Variants in MYO18B observed in about 807,000 individuals in gnomAD.
MYO18B encodes myosin XVIIIB.
Under a neutral mutation model 273.0 loss-of-function variants are expected in MYO18B, and 204 were observed. That is an observed-to-expected ratio of 0.75 (90% CI 0.67 to 0.84). The LOEUF (loss-of-function observed/expected upper bound fraction) is 0.84. MYO18B is among the 40% of genes least tolerant of loss of function. MYO18B has a pLI of 0.00. For synonymous variants in MYO18B, 1,330 were observed against 1,305.7 expected, an observed-to-expected ratio of 1.02 and a Z score of -0.40; for missense variants, 3,212 against 3,287.6, an observed-to-expected ratio of 0.98 and a Z score of 0.56.
At chr22:25,944,897 A>G (rs1601641674) in intron 34 of MYO18B, among the ~76,000 whole-genome samples, 1 of 151,658 alleles carries the variant, frequency 6.6e-6, no homozygotes, top group South Asian at 2.1e-4. Context: ...GCAGCTGCCA[A>G]CTGCAGAATG....
intron 21 of MYO18B, among the ~76,000 whole-genome samples, chr22:25,866,487 CT>C (rs1381189330): frequency 6.6e-6 from 1 of 152,076 alleles, no homozygotes; most frequent in Non-Finnish European, 1.5e-5. Context: ...TGGAATCTCT[CT>C]GGTTTGGGTG....
chr22:25,987,127 C>T (rs1182177863), intron 39 of MYO18B, among the ~76,000 whole-genome samples: 1 of 152,158 alleles, frequency 6.6e-6, no homozygotes, highest in African/African-American at 2.4e-5. Flanking sequence ...GAGAGGCAAC[C>T]TCCAGAGCTG....
chr22:25,926,079 C>T (rs2092416992), intron 34 of MYO18B, among the ~76,000 whole-genome samples: 3 of 150,460 alleles, frequency 2.0e-5, no homozygotes, highest in Admixed American at 2.0e-4. Flanking sequence ...GTGACAGGAG[C>T]CTGTAGTTCC....
chr22:26,032,704 G>T (rs372272672), downstream of MYO18B, among the ~76,000 whole-genome samples: 1 of 151,838 alleles, frequency 6.6e-6, no homozygotes, highest in Non-Finnish European at 1.5e-5. Context: ...CATTTTTTTA[G>T]TAGAGACAGT....
rs370428353 is a variant in MYO18B, at chr22:25,809,678, A to G, written c.2521+11581A>G. On this transcript the variant is annotated intron_variant, in intron 12 of 43. Coordinates refer to ENST00000335473, the MANE Select transcript of MYO18B (RefSeq NM_032608.7). The stretch of plus-strand genomic sequence containing the variant: ...TGGGGCTGTAACTCAGGGAGCCAGG[A>G]GGTGCTCATGGGGAGGAGAGACAAT... Among the ~76,000 whole-genome samples, 206 of 152,204 alleles carry G rather than the reference A, an allele frequency of 1.4e-3. 9 individuals carry two copies. In the South Asian group the frequency reaches 0.042, roughly 31 times the overall value.
In MYO18B at chr22:25,768,489, G is replaced by A. The variant is rs746410479; in HGVS notation, c.573G>A (p.Lys191=). ...SPPATDTGKE[K]KGETSRTPCG... The stretch of plus-strand genomic sequence containing the variant: ...CCGCCACAGATACTGGAAAGGAAAA[G>A]AAAGGGGAGACCTCTAGGACTCCTT... Residue 191 remains lysine, a synonymous_variant, in exon 4 of 44, where the codon AAG becomes AAA. Coordinates refer to ENST00000335473, the MANE Select transcript of MYO18B (RefSeq NM_032608.7). The A allele has an allele frequency of 3.1e-6, 5 of 1,608,030 alleles. No individual in the cohort carries two copies. The South Asian group carries it at 5.6e-5, about 18-fold the overall frequency.
At chr22:26,041,952 G>C in the MYO18B span, among the ~76,000 whole-genome samples, 4 of 152,202 alleles carry the variant, frequency 2.6e-5, no homozygotes, top group Admixed American at 6.5e-5. Context: ...AGTCTCACTG[G>C]TGGGAGAAGC....
At chr22:25,855,576 G>T (rs773642919) in intron 21 of MYO18B, among the ~76,000 whole-genome samples, 1 of 152,070 alleles carries the variant, frequency 6.6e-6, no homozygotes, top group African/African-American at 2.4e-5. Context: ...CACTGCGCCC[G>T]GCCCTCATTC....
Position 25,890,814 on chromosome 22 carries a change from A to G in MYO18B, c.4373A>G (p.Gln1458Arg). 6.2e-7 allele frequency: 1 copy of G among 1,613,936 alleles called. No homozygotes were observed. Among genetic ancestry groups the G allele is most frequent in the Non-Finnish European group, 8.5e-7 (1 of 1,179,880 alleles). The part of the protein sequence containing the change: ...DERFKGDVAC[Q>R]VLESERAERL... ...CGCTTCAAAGGTGATGTGGCCTGCC[A>G]GGTGCTGGAGAGTGAGCGGGCAGAG... Residue 1458 changes from glutamine to arginine, a missense_variant, in exon 26 of 44, where the codon CAG (glutamine) becomes CGG (arginine). Transcript: ENST00000335473.
chr22:25,824,280 G>A (rs544957302), intron 13 of MYO18B, among the ~76,000 whole-genome samples: 78 of 152,232 alleles, frequency 5.1e-4, no homozygotes, highest in African/African-American at 1.8e-3. Context: ...CAGGTGATAG[G>A]TGGTGGTCGG....
downstream of MYO18B, among the ~76,000 whole-genome samples, chr22:26,031,634 G>T (rs1297901089): frequency 6.6e-6 from 1 of 152,230 alleles, no homozygotes; most frequent in Non-Finnish European, 1.5e-5. Flanking sequence ...GGCTGGGGAA[G>T]TGGGCACACG....
intron 27 of MYO18B, among the ~76,000 whole-genome samples, chr22:25,893,940 C>T (rs986602692): frequency 6.6e-6 from 1 of 152,124 alleles, no homozygotes; most frequent in Admixed American, 6.6e-5. Context: ...TCCATCCATC[C>T]ATCCATCCAT....
Position 25,924,402 on chromosome 22 carries a change from A to T in MYO18B, c.5517+2993A>T, listed in dbSNP as rs116595755. ...TACTGTGTGTCAGGCAGTGTGCTGG[A>T]TATAAGCACCATGGATAGTGAGACA... On this transcript the variant is annotated intron_variant, in intron 34 of 43. Coordinates refer to ENST00000335473, the MANE Select transcript of MYO18B (RefSeq NM_032608.7). Among the ~76,000 whole-genome samples the T allele has an allele frequency of 3.0e-3, 460 of 152,364 alleles. 2 individuals are homozygous for T. Among genetic ancestry groups the T allele is most frequent in the African/African-American group, 0.01 (433 of 41,590 alleles).
chr22:25,796,955 T>C (rs9624902), intron 11 of MYO18B, among the ~76,000 whole-genome samples: 38,994 of 152,052 alleles, frequency 0.26, 5,136 homozygotes, highest in Middle Eastern at 0.34. Context: ...CCAGACGGCG[T>C]GGTGGCTCAC....
intron 39 of MYO18B, among the ~76,000 whole-genome samples, chr22:25,989,874 G>A (rs1357311783): frequency 1.3e-5 from 2 of 151,882 alleles, no homozygotes; most frequent in Non-Finnish European, 2.9e-5. Context: ...CTGACATGCT[G>A]ATGTCCTGGG....
chr22:25,759,164 C>T (rs2086221924), intron 1 of MYO18B, among the ~76,000 whole-genome samples: 1 of 151,942 alleles, frequency 6.6e-6, no homozygotes. Flanking sequence ...CAAATAATAC[C>T]CCAATATAAC....
At chr22:25,939,101 C>T (rs1294483884) in intron 34 of MYO18B, among the ~76,000 whole-genome samples, 1 of 152,238 alleles carries the variant, frequency 6.6e-6, no homozygotes, top group Non-Finnish European at 1.5e-5. Context: ...AGGCATAAGC[C>T]ACCATGCCTG....
chr22:25,888,088 C>T (rs1276551714), intron 25 of MYO18B, among the ~76,000 whole-genome samples: 1 of 152,134 alleles, frequency 6.6e-6, no homozygotes, highest in Non-Finnish European at 1.5e-5. Context: ...GCAAATCTAA[C>T]CCCTTCAAAT....
intron 8 of MYO18B, among the ~76,000 whole-genome samples, chr22:25,779,584 G>A (rs1042784105): frequency 1.3e-5 from 2 of 152,242 alleles, no homozygotes; most frequent in African/African-American, 4.8e-5. Flanking sequence ...TGGAAGTCAG[G>A]TCAGGCTGTA....
Sources: allele counts gnomAD v4.1 joint callset (sites outside exome capture counted in the v4.1 genomes callset), GRCh38; gene constraint gnomAD v4.1.1; transcripts MANE v1.5; gene names NCBI Gene and HGNC (gene_info 2026-07-23, HGNC 2026-07-21).